LZIC: variants seen among roughly 807,000 people sequenced by gnomAD.
LZIC encodes the protein leucine zipper and CTNNBIP1 domain containing.
In LZIC, 28 loss-of-function variants were observed where a neutral mutation model predicts 25.4. The ratio of observed to expected loss-of-function variants is 1.10; its 90% CI spans 0.82 to 1.51. The LOEUF (loss-of-function observed/expected upper bound fraction) is 1.51. Ranked by LOEUF, LZIC falls within the 40% of genes most tolerant of loss-of-function variation. LZIC has a pLI of 0.00. For synonymous variants in LZIC, 65 were observed against 70.7 expected (o/e 0.92, Z 0.40); for missense variants, 170 against 211.1 (o/e 0.81, Z 1.21).
At chr1:9,925,599 C>CT (rs908528621), downstream of LZIC, among the ~76,000 whole-genome samples, 6 of 151,334 alleles carry the variant, frequency 4.0e-5, no homozygotes, top group Non-Finnish European at 5.9e-5. Flanking sequence ...ATTGTGAACT[C>CT]TTTTTTTTTG....
At chr1:9,940,012 G>T (rs1027187965) in intron 2 of LZIC, among the ~76,000 whole-genome samples, 2 of 151,942 alleles carry the variant, frequency 1.3e-5, no homozygotes, top group Admixed American at 6.6e-5. Flanking sequence ...CCAGCTACTT[G>T]GCGGGCTGAG....
intron 2 of LZIC, among the ~76,000 whole-genome samples, chr1:9,937,193 A>G (rs1640496902): frequency 6.6e-6 from 1 of 152,146 alleles, no homozygotes; most frequent in South Asian, 2.1e-4. Flanking sequence ...GGAGATTGAG[A>G]CCATCCCGGC....
chr1:9,933,316 C>T (rs1640319445), intron 5 of LZIC, among the ~76,000 whole-genome samples: 1 of 127,620 alleles, frequency 7.8e-6, no homozygotes, highest in Non-Finnish European at 1.6e-5. Flanking sequence ...ATACATATAG[C>T]TTTTCAGACG....
intron 2 of LZIC, among the ~76,000 whole-genome samples, chr1:9,941,055 A>G (rs1353023632): frequency 6.6e-6 from 1 of 152,066 alleles, no homozygotes. Context: ...TTTTCTACCT[A>G]TGAAGCCCAG....
intron 2 of LZIC, among the ~76,000 whole-genome samples, chr1:9,937,568 T>C (rs1057236350): frequency 6.1e-5 from 9 of 147,868 alleles, no homozygotes; most frequent in Non-Finnish European, 1.0e-4. Context: ...GGCAGCTGGG[T>C]GCAGTGGCTC....
At chr1:9,940,422 G>A (rs1013136828) in intron 2 of LZIC, among the ~76,000 whole-genome samples, 9 of 151,896 alleles carry the variant, frequency 5.9e-5, no homozygotes, top group African/African-American at 1.7e-4. Flanking sequence ...CTCGTGATCC[G>A]CCCACCTCAG....
chr1:9,933,502 C>T (rs1019357275), intron 5 of LZIC, among the ~76,000 whole-genome samples: 2 of 151,892 alleles, frequency 1.3e-5, no homozygotes. Context: ...ATTCAAAGTA[C>T]TTTTACACAT....
At position 9,943,262 on chromosome 1, in the gene LZIC, G is replaced by A. The variant is rs1234694; in HGVS notation, c.-181C>T. The A allele has an allele frequency of 0.65, 101,803 of 155,874 alleles. 37,820 individuals are homozygous for A. Among genetic ancestry groups the A allele is most frequent in the Non-Finnish European group, 0.84 (58,626 of 69,762 alleles). 9.7% of individuals were successfully genotyped at this position (155,874 alleles called of 1,614,324 possible). ...TTCCGGGCCTACCTGACAAAAACTG[G>A]GACAACCTCCTTAGGCCCCCGGGAT... On this transcript the variant is annotated 5_prime_UTR_variant, in exon 1 of 8. Coordinates refer to ENST00000377223, the MANE Select transcript of LZIC (RefSeq NM_032368.5).
chr1:9,931,508 C>T lies in LZIC; in HGVS notation c.514+383G>A, dbSNP rs937930642. Among the ~76,000 whole-genome samples the T allele has an allele frequency of 3.9e-5, 6 of 152,188 alleles. No homozygotes were observed. In the South Asian group the frequency reaches 8.3e-4, roughly 21 times the overall value. ...CGATCTCCTGACCTCGTGATCTGCCCGCCTCGGCCTCACAAAGTGCTGGGA... is the reference window on the plus strand; with the variant it reads ...CGATCTCCTGACCTCGTGATCTGCCTGCCTCGGCCTCACAAAGTGCTGGGA... On this transcript the variant is annotated intron_variant, in intron 7 of 7. Coordinates refer to ENST00000377223, the MANE Select transcript of LZIC (RefSeq NM_032368.5).
chr1:9,928,105 A>T lies in LZIC; in HGVS notation c.*2294T>A, dbSNP rs2101578685. 6.6e-6 allele frequency among the ~76,000 whole-genome samples: 1 copy of T among 152,148 alleles called. No homozygotes were observed. Among genetic ancestry groups the T allele is most frequent in the East Asian group, 1.9e-4 (1 of 5,150 alleles). On this transcript the variant is annotated 3_prime_UTR_variant, in exon 8 of 8. Coordinates refer to ENST00000377223, the MANE Select transcript of LZIC (RefSeq NM_032368.5). ...TGAGGCGGGTGGATCACCTAAGGTC[A>T]GGAGTTCGAGACCAGCCTGACCAAC...
chr1:9,932,675 C>T (rs1409671610), intron 6 of LZIC, 128 bp downstream of exon 6: 1 of 522,098 alleles, frequency 1.9e-6, no homozygotes, highest in Non-Finnish European at 3.2e-6. Context: ...AAGAGCGGAA[C>T]TCCGTCTCAG....
chr1:9,929,626 G>A lies in LZIC; in HGVS notation c.*773C>T. 1.0e-6 allele frequency: 1 copy of A among 985,318 alleles called. No homozygotes were observed. Among genetic ancestry groups the A allele is most frequent in the Non-Finnish European group, 1.2e-6 (1 of 829,926 alleles). 61.0% of individuals were successfully genotyped at this position (985,318 alleles called of 1,614,324 possible). ...AGGCGGCTAAGTCACTTTAGGAAAC[G>A]CTCAACAGGGCTCCCATTGTTCCAA... On this transcript the variant is annotated 3_prime_UTR_variant, in exon 8 of 8. Transcript: ENST00000377223.
chr1:9,923,327 A>C (rs532897207), downstream of LZIC, among the ~76,000 whole-genome samples: 27 of 152,200 alleles, frequency 1.8e-4, no homozygotes, highest in Admixed American at 5.9e-4. Context: ...TCCCTGCCTC[A>C]GCCTCCTGAG....
intron 2 of LZIC, among the ~76,000 whole-genome samples, chr1:9,941,886 T>C (rs1388091756): frequency 6.6e-6 from 1 of 152,166 alleles, no homozygotes; most frequent in Admixed American, 6.5e-5. Flanking sequence ...TAATGAGAAT[T>C]GATTGCTTCT....
chr1:9,940,118 CA>C (rs921817958), intron 2 of LZIC, among the ~76,000 whole-genome samples: 5 of 146,692 alleles, frequency 3.4e-5, no homozygotes, highest in Admixed American at 3.4e-4. Context: ...GACTCCTACT[CA>C]AAAAAAAACA....
At chr1:9,940,475 G>A (rs541506609) in intron 2 of LZIC, among the ~76,000 whole-genome samples, 11 of 137,258 alleles carry the variant, frequency 8.0e-5, no homozygotes, top group East Asian at 2.1e-4. Flanking sequence ...CACTGCACCC[G>A]GCCTAGTTTT....
intron 3 of LZIC, among the ~76,000 whole-genome samples, chr1:9,936,160 T>C (rs1390872332): frequency 2.7e-5 from 4 of 150,212 alleles, no homozygotes; most frequent in Non-Finnish European, 5.9e-5. Flanking sequence ...AATGAACTGT[T>C]GTGGTCCTTT....
chr1:9,941,053 C>A (rs1254347269), intron 2 of LZIC, among the ~76,000 whole-genome samples: 1 of 152,070 alleles, frequency 6.6e-6, no homozygotes, highest in Non-Finnish European at 1.5e-5. Context: ...TTTTTTCTAC[C>A]TATGAAGCCC....
Position 9,929,643 on chromosome 1 carries a change from T to C in LZIC, c.*756A>G, listed in dbSNP as rs1372967068. 1.8e-5 allele frequency: 18 copies of C among 985,312 alleles called. No individual in the cohort carries two copies. The highest frequency in any genetic ancestry group is 2.2e-5 in the Non-Finnish European group (18 of 829,940). The allele number at this position is 985,312 out of a possible 1,614,324, so 61.0% of individuals were successfully genotyped here. A position where few individuals can be genotyped will look rare whatever the true frequency, so the allele number is the denominator to read the frequency against. On this transcript the variant is annotated 3_prime_UTR_variant, in exon 8 of 8. Transcript: ENST00000377223. The stretch of plus-strand genomic sequence containing the variant: ...TAGGAAACGCTCAACAGGGCTCCCA[T>C]TGTTCCAACCTCAAAATTCCGAGAT...
Sources: gnomAD v4.1 joint callset for allele counts (sites outside exome capture counted in the v4.1 genomes callset) on GRCh38, gnomAD v4.1.1 for gene constraint, MANE v1.5 for transcripts, NCBI Gene and HGNC (gene_info 2026-07-23, HGNC 2026-07-21) for gene names.